Variants in RGL1 observed in about 807,000 individuals in gnomAD.
RGL1 encodes ral guanine nucleotide dissociation stimulator like 1, also known as ral guanine nucleotide dissociation stimulator-like 1.
Under a neutral mutation model 95.2 loss-of-function variants are expected in RGL1, and 24 were observed. The observed-to-expected ratio is 0.25, with a 90% CI of 0.18 to 0.35. The LOEUF (loss-of-function observed/expected upper bound fraction) is 0.35, where lower values mean the gene tolerates loss of function less well. RGL1 is among the 10% of genes least tolerant of loss of function. The pLI is 1.00. For synonymous variants in RGL1, 329 were observed against 344.9 expected (o/e 0.95, Z 0.51); for missense variants, 715 against 936.3 (o/e 0.76, Z 3.08).
chr1:183,837,105 G>A (rs906559774), intron 2 of RGL1, among the ~76,000 whole-genome samples: 1 of 152,198 alleles, frequency 6.6e-6, no homozygotes, highest in Non-Finnish European at 1.5e-5. Context: ...GGAAACATCA[G>A]TTAGTTGCTA....
At chr1:183,862,282 A>G (rs1665557572) in intron 3 of RGL1, among the ~76,000 whole-genome samples, 1 of 152,192 alleles carries the variant, frequency 6.6e-6, no homozygotes, top group Non-Finnish European at 1.5e-5. Flanking sequence ...GGCTTGCTCA[A>G]ACCTAGAAGG....
At chr1:183,891,737 T>G (rs1558276048) in intron 8 of RGL1, among the ~76,000 whole-genome samples, 3 of 42,468 alleles carry the variant, frequency 7.1e-5, no homozygotes, top group African/African-American at 1.1e-4. Context: ...GTAACAGTTT[T>G]TTTTTTTTTT....
intron 1 of RGL1, among the ~76,000 whole-genome samples, chr1:183,681,243 G>C (rs549868509): frequency 3.8e-4 from 58 of 152,246 alleles, no homozygotes; most frequent in African/African-American, 1.4e-3. Flanking sequence ...GGGCATCCTT[G>C]TCTTGTGCCT....
At chr1:183,792,496 TA>T (rs537485582) in intron 2 of RGL1, among the ~76,000 whole-genome samples, 15 of 151,920 alleles carry the variant, frequency 9.9e-5, no homozygotes, top group Non-Finnish European at 1.6e-4. Context: ...AAGAAAGAAA[TA>T]AAAGGAACCA....
chr1:183,907,116 G>C lies in RGL1; in HGVS notation c.1562+15G>C. ...AGACTCAGCCTGTGAGTGTCCCCTG[G>C]GGGTTCTGGGGCTCCAAGAGGGTGC... On this transcript the variant is annotated intron_variant, in intron 14 of 17. Transcript: ENST00000360851. 1 of 1,514,414 alleles carries C rather than the reference G, an allele frequency of 6.6e-7. No homozygotes were observed. The highest frequency in any genetic ancestry group is 1.1e-5 in the South Asian group (1 of 87,608). The allele number at this position is 1,514,414 out of a possible 1,614,324, so 93.8% of individuals were successfully genotyped here.
intron 2 of RGL1, among the ~76,000 whole-genome samples, chr1:183,842,270 T>G (rs533584323): frequency 6.6e-6 from 1 of 152,278 alleles, no homozygotes; most frequent in Admixed American, 6.5e-5. Context: ...AATGAGGTTG[T>G]TTGCTTAACA....
intron 2 of RGL1, among the ~76,000 whole-genome samples, chr1:183,771,157 A>G (rs1169423761): frequency 1.3e-5 from 2 of 152,206 alleles, no homozygotes; most frequent in East Asian, 1.9e-4. Context: ...GTAAAAATCT[A>G]CTGGACATTT....
intron 17 of RGL1, among the ~76,000 whole-genome samples, chr1:183,924,482 A>C (rs1368130389): frequency 1.9e-4 from 29 of 152,002 alleles, no homozygotes; most frequent in Non-Finnish European, 1.9e-4. Context: ...TGGGGGGTGG[A>C]AGACTAGGGG....
At chr1:183,660,618 A>G (rs1418582613) in intron 1 of RGL1, among the ~76,000 whole-genome samples, 3 of 151,556 alleles carry the variant, frequency 2.0e-5, no homozygotes, top group Admixed American at 1.3e-4. Flanking sequence ...GGGAGACTTT[A>G]ACACCCCACT....
intron 5 of RGL1, 22 bp downstream of exon 5, chr1:183,880,822 G>T: frequency 6.2e-7 from 1 of 1,608,558 alleles, no homozygotes; most frequent in Non-Finnish European, 8.5e-7. Context: ...TTTGTTCCCA[G>T]GGAAAAGGCT....
chr1:183,695,143 A>G (rs1348788010), intron 1 of RGL1, among the ~76,000 whole-genome samples: 3 of 152,246 alleles, frequency 2.0e-5, no homozygotes, highest in South Asian at 2.1e-4. Flanking sequence ...CAGATATGAC[A>G]TCATGTCTGT....
chr1:183,718,264 G>C (rs1474676365), intron 1 of RGL1, among the ~76,000 whole-genome samples: 1 of 151,120 alleles, frequency 6.6e-6, no homozygotes, highest in Non-Finnish European at 1.5e-5. Flanking sequence ...GAGAGAGAGA[G>C]CTTGTTTATG....
At chr1:183,876,643 G>A (rs989047159) in intron 4 of RGL1, among the ~76,000 whole-genome samples, 57 of 152,344 alleles carry the variant, frequency 3.7e-4, no homozygotes, top group African/African-American at 1.3e-3. Context: ...ATCATCTCTT[G>A]CAGTTAATAC....
chr1:183,890,118 C>T (rs1667331966), intron 8 of RGL1, among the ~76,000 whole-genome samples: 1 of 152,116 alleles, frequency 6.6e-6, no homozygotes, highest in Non-Finnish European at 1.5e-5. Flanking sequence ...CCACCACTCT[C>T]CACTCAACTG....
intron 1 of RGL1, among the ~76,000 whole-genome samples, chr1:183,642,649 A>C (rs1197716809): frequency 6.6e-6 from 1 of 152,178 alleles, no homozygotes; most frequent in Non-Finnish European, 1.5e-5. Flanking sequence ...ATTTCTGTGA[A>C]CTTTCCTTAC....
intron 3 of RGL1, among the ~76,000 whole-genome samples, chr1:183,860,578 A>G (rs1352079105): frequency 6.6e-6 from 1 of 152,002 alleles, no homozygotes; most frequent in Non-Finnish European, 1.5e-5. Context: ...TTCCCTGGAG[A>G]TCTGCAGGGC....
intron 8 of RGL1, among the ~76,000 whole-genome samples, chr1:183,890,211 C>G (rs773588257): frequency 6.6e-6 from 1 of 152,146 alleles, no homozygotes; most frequent in South Asian, 2.1e-4. Flanking sequence ...CTGATTGCCA[C>G]GAAAGGTAAT....
intron 1 of RGL1, among the ~76,000 whole-genome samples, chr1:183,718,985 G>A (rs775058647): frequency 4.9e-4 from 75 of 152,236 alleles, no homozygotes; most frequent in Non-Finnish European, 8.8e-4. Flanking sequence ...GAAATTTGAA[G>A]TTTACATGAG....
chr1:183,735,411 TA>T (rs1033085824), intron 1 of RGL1, among the ~76,000 whole-genome samples: 135 of 152,262 alleles, frequency 8.9e-4, no homozygotes, highest in African/African-American at 3.1e-3. Flanking sequence ...AATAAAAAAG[TA>T]AAAATCTATT....
Sources: allele counts gnomAD v4.1 joint callset (sites outside exome capture counted in the v4.1 genomes callset), GRCh38; gene constraint gnomAD v4.1.1; transcripts MANE v1.5; gene names NCBI Gene and HGNC (gene_info 2026-07-23, HGNC 2026-07-21).